MACROH2A1: variants seen among roughly 807,000 people sequenced by gnomAD.
The protein encoded by MACROH2A1 is core histone macro-H2A.1.
MACROH2A1 carries 2 observed loss-of-function variants against 31.6 expected under a neutral mutation model. The ratio of observed to expected loss-of-function variants is 0.06; its 90% CI spans 0.03 to 0.20. The LOEUF (loss-of-function observed/expected upper bound fraction) is 0.20, where lower values mean the gene tolerates loss of function less well. Among genes scored for constraint, MACROH2A1 ranks in the 10% least tolerant of loss-of-function variants. MACROH2A1 has a pLI of 1.00. For missense variants in MACROH2A1, 230 were observed against 474.0 expected, an observed-to-expected ratio of 0.49 and a Z score of 4.78; for synonymous variants, 169 against 189.6, an observed-to-expected ratio of 0.89 and a Z score of 0.89.
chr5:135,390,589 C>T (rs1190337038), intron 1 of MACROH2A1, among the ~76,000 whole-genome samples: 3 of 152,194 alleles, frequency 2.0e-5, no homozygotes, highest in Non-Finnish European at 4.4e-5. Flanking sequence ...AAAGTCTTCC[C>T]TATGAACATG....
chr5:135,387,148 T>C (rs1033862900), intron 2 of MACROH2A1, among the ~76,000 whole-genome samples: 1 of 152,120 alleles, frequency 6.6e-6, no homozygotes, highest in African/African-American at 2.4e-5. Context: ...CTTCTCCCAG[T>C]CTCCCTGGAT....
At chr5:135,385,771 G>T (rs940524382) in intron 2 of MACROH2A1, among the ~76,000 whole-genome samples, 1 of 152,138 alleles carries the variant, frequency 6.6e-6, no homozygotes, top group African/African-American at 2.4e-5. Flanking sequence ...TCATCTCCAA[G>T]CCCCCAAGCA....
At chr5:135,360,689 T>C (rs1762731336) in intron 4 of MACROH2A1, 82 bp from the exon 5 acceptor site, 2 of 957,258 alleles carry the variant, frequency 2.1e-6, no homozygotes, top group Admixed American at 1.8e-5. Flanking sequence ...GCCTCACCCA[T>C]AACACCCAAG....
At chr5:135,390,681 C>A (rs376408288) in intron 1 of MACROH2A1, among the ~76,000 whole-genome samples, 4 of 152,304 alleles carry the variant, frequency 2.6e-5, no homozygotes, top group African/African-American at 9.6e-5. Flanking sequence ...GGCCTTCCAG[C>A]ACCAGCAGTC....
At chr5:135,344,007 G>A (rs144785622) in intron 7 of MACROH2A1, 1,561 of 155,932 alleles carry the variant, frequency 0.01, 30 homozygotes, top group African/African-American at 0.036. Flanking sequence ...TCCCTGCTGA[G>A]GATGGCCTCA....
chr5:135,389,589 G>A (rs1766914646), intron 1 of MACROH2A1, among the ~76,000 whole-genome samples: 1 of 152,196 alleles, frequency 6.6e-6, no homozygotes, highest in African/African-American at 2.4e-5. Context: ...ATCTGTGAGA[G>A]GCAAGAACAG....
At chr5:135,388,846 A>G (rs1766792891) in intron 2 of MACROH2A1, 76 bp downstream of exon 2, 1 of 1,254,882 alleles carries the variant, frequency 8.0e-7, no homozygotes, top group Non-Finnish European at 1.1e-6. Context: ...AAAAGAAACA[A>G]AAGTGGTCTT....
At chr5:135,367,634 G>C (rs1057019133) in intron 4 of MACROH2A1, among the ~76,000 whole-genome samples, 2 of 152,194 alleles carry the variant, frequency 1.3e-5, no homozygotes, top group African/African-American at 4.8e-5. Flanking sequence ...GCATCTGAGA[G>C]ACCCACTCAA....
chr5:135,373,022 G>C (rs1316632687), intron 2 of MACROH2A1, among the ~76,000 whole-genome samples: 3 of 152,228 alleles, frequency 2.0e-5, no homozygotes, highest in African/African-American at 7.2e-5. Flanking sequence ...CAGAGAGGAA[G>C]GGAGGCAGAA....
chr5:135,352,620 A>G (rs1261280643), intron 6 of MACROH2A1, among the ~76,000 whole-genome samples: 1 of 152,232 alleles, frequency 6.6e-6, no homozygotes, highest in Admixed American at 6.5e-5. Context: ...TTCTAAAGTA[A>G]AAACAAAAAA....
chr5:135,368,703 G>A (rs2149838962), intron 4 of MACROH2A1, among the ~76,000 whole-genome samples: 1 of 152,246 alleles, frequency 6.6e-6, no homozygotes, highest in East Asian at 1.9e-4. Context: ...CAGTTGCCTT[G>A]TAGTCTCCAG....
At chr5:135,358,978 G>A (rs1450774021) in intron 5 of MACROH2A1, 2 of 985,290 alleles carry the variant, frequency 2.0e-6, no homozygotes, top group African/African-American at 3.5e-5. Context: ...ACAGAGCCCA[G>A]AGGAGGCCGT....
chr5:135,391,859 C>T lies in MACROH2A1; in HGVS notation c.-33-2733G>A, dbSNP rs563802909. On this transcript the variant is annotated intron_variant, in intron 1 of 8. Transcript: ENST00000511689. Reference sequence around the variant, plus strand: ...GTTGGTTCAGCCTCTTTACTTCTGACCTATTCTCAACCGCACCAGTCTTCA... The same window carrying T: ...GTTGGTTCAGCCTCTTTACTTCTGATCTATTCTCAACCGCACCAGTCTTCA... Among the ~76,000 whole-genome samples the T allele has an allele frequency of 4.5e-4, 68 of 152,310 alleles. No individual in the cohort carries two copies. The South Asian group carries it at 0.013, about 30-fold the overall frequency.
intron 5 of MACROH2A1, chr5:135,358,450 A>C (rs1762436305): frequency 3.0e-6 from 3 of 985,298 alleles, no homozygotes; most frequent in Non-Finnish European, 3.6e-6. Context: ...AAGCACATTA[A>C]ACAGGAAGGG....
At chr5:135,397,816 C>T (rs561475932) in intron 1 of MACROH2A1, among the ~76,000 whole-genome samples, 3 of 152,222 alleles carry the variant, frequency 2.0e-5, no homozygotes, top group African/African-American at 7.2e-5. Context: ...TGAATTCCAC[C>T]TAATTTACAA....
chr5:135,371,014 A>C (rs1764109545), intron 2 of MACROH2A1, among the ~76,000 whole-genome samples: 1 of 152,238 alleles, frequency 6.6e-6, no homozygotes, highest in African/African-American at 2.4e-5. Flanking sequence ...CTAAGGAATA[A>C]AGCAAATATG....
chr5:135,335,092 A>C lies in MACROH2A1; in HGVS notation c.1003T>G (p.Ser335Ala). The C allele has an allele frequency of 6.2e-7, 1 of 1,613,822 alleles. No individual in the cohort carries two copies. The highest frequency in any genetic ancestry group is 8.5e-7 in the Non-Finnish European group (1 of 1,179,690). ...GACATTGTAGACACGAAGTAACTGG[A>C]GATGGCCTTCAGAATCAGCTGAGCT... ...TAAQLILKAISSYFVSTMSSS... is the reference protein window; with the variant it reads ...TAAQLILKAIASYFVSTMSSS... Residue 335 changes from serine (S) to alanine (A), a missense_variant, in exon 9 of 9, where the codon TCC becomes GCC. Coordinates refer to ENST00000511689, the MANE Select transcript of MACROH2A1 (RefSeq NM_138610.3).
At chr5:135,336,575 C>T (rs1041173346) in intron 8 of MACROH2A1, among the ~76,000 whole-genome samples, 2 of 152,164 alleles carry the variant, frequency 1.3e-5, no homozygotes, top group Non-Finnish European at 2.9e-5. Flanking sequence ...GCTCCAGAGC[C>T]GCTCTGGCCA....
chr5:135,395,643 C>T (rs558034253), intron 1 of MACROH2A1, among the ~76,000 whole-genome samples: 6 of 152,312 alleles, frequency 3.9e-5, no homozygotes, highest in East Asian at 3.9e-4. Flanking sequence ...AAATGATTAA[C>T]GGTGTCACCC....
Sources: gnomAD v4.1 joint callset for allele counts (sites outside exome capture counted in the v4.1 genomes callset) on GRCh38, gnomAD v4.1.1 for gene constraint, MANE v1.5 for transcripts, NCBI Gene and HGNC (gene_info 2026-07-23, HGNC 2026-07-21) for gene names.